Variants in GK5 observed in about 807,000 individuals in gnomAD.
GK5 encodes ATP:glycerol 3-phosphotransferase 5.
GK5 carries 39 observed loss-of-function variants against 77.3 expected under a neutral mutation model. That is an observed-to-expected ratio of 0.50 (90% CI 0.39 to 0.66). The LOEUF is 0.66. Among genes scored for constraint, GK5 ranks in the 30% least tolerant of loss-of-function variants. The pLI is 0.00. For synonymous variants in GK5, 211 were observed against 208.0 expected (o/e 1.01, Z -0.13); for missense variants, 487 against 633.8 (o/e 0.77, Z 2.49).
At chr3:142,219,036 A>T (rs952577172) in intron 1 of GK5, among the ~76,000 whole-genome samples, 3 of 152,348 alleles carry the variant, frequency 2.0e-5, no homozygotes, top group African/African-American at 7.2e-5. Flanking sequence ...AAGTCAAATC[A>T]AATAAGTTTT....
chr3:142,186,525 T>C lies in GK5; in HGVS notation c.620-12A>G, dbSNP rs1242297654. On this transcript the variant is annotated splice_polypyrimidine_tract_variant and intron_variant, in intron 6 of 15. Transcript: ENST00000392993. ...GGCATATACAGAACCTAAATTTAAA[T>C]AGGAAATAATACATTTATTATCAGA... 9 of 1,279,222 alleles carry C rather than the reference T, an allele frequency of 7.0e-6. No individual in the cohort carries two copies. The highest frequency in any genetic ancestry group is 8.8e-6 in the Non-Finnish European group (8 of 907,340). 79.2% of individuals were successfully genotyped at this position (1,279,222 alleles called of 1,614,324 possible). A position where few individuals can be genotyped will look rare whatever the true frequency, so the allele number is the denominator to read the frequency against.
At chr3:142,169,049 C>T (rs1162634403) in intron 15 of GK5, among the ~76,000 whole-genome samples, 1 of 152,216 alleles carries the variant, frequency 6.6e-6, no homozygotes, top group Non-Finnish European at 1.5e-5. Context: ...CTTTATCAGA[C>T]AAACTTAATA....
intron 1 of GK5, among the ~76,000 whole-genome samples, chr3:142,224,478 T>C (rs1379601297): frequency 6.6e-6 from 1 of 152,238 alleles, no homozygotes; most frequent in Non-Finnish European, 1.5e-5. Context: ...GCATTGACAA[T>C]TGTGTATAAA....
At chr3:142,204,600 G>T in intron 4 of GK5, 95 bp downstream of exon 4, 1 of 803,414 alleles carries the variant, frequency 1.2e-6, no homozygotes, top group Non-Finnish European at 2.3e-6. Context: ...TCTTCTTAAT[G>T]TCCTAAAACA....
At chr3:142,171,328 AG>A (rs2063534420) in intron 14 of GK5, 90 bp downstream of exon 14, 45 of 1,158,568 alleles carry the variant, frequency 3.9e-5, no homozygotes, top group Non-Finnish European at 4.8e-5. Flanking sequence ...TGAATTATTC[AG>A]GATCTAAAAA....
chr3:142,220,788 A>G (rs2064334765), intron 1 of GK5, among the ~76,000 whole-genome samples: 1 of 152,190 alleles, frequency 6.6e-6, no homozygotes, highest in South Asian at 2.1e-4. Context: ...CCCGTAAGCA[A>G]AGGGCAGAGA....
intron 1 of GK5, among the ~76,000 whole-genome samples, chr3:142,222,934 T>C (rs2064372988): frequency 6.6e-6 from 1 of 152,246 alleles, no homozygotes; most frequent in East Asian, 1.9e-4. Flanking sequence ...GCCCCGTAAC[T>C]ACACTTTAAG....
intron 5 of GK5, among the ~76,000 whole-genome samples, chr3:142,192,041 C>T (rs2063859635): frequency 6.6e-6 from 1 of 152,078 alleles, no homozygotes; most frequent in Non-Finnish European, 1.5e-5. Flanking sequence ...AAGATCTGAA[C>T]AGACACCTCA....
At chr3:142,191,747 A>G (rs577938035) in intron 5 of GK5, among the ~76,000 whole-genome samples, 1 of 152,256 alleles carries the variant, frequency 6.6e-6, no homozygotes, top group South Asian at 2.1e-4. Context: ...ACTTGAACCC[A>G]GGAAGTAGAG....
At position 142,192,575 on chromosome 3, in the gene GK5, C is replaced by T. The variant is rs1314350987; in HGVS notation, c.544-4796G>A. Among the ~76,000 whole-genome samples, 4 of 152,002 alleles carry T rather than the reference C, an allele frequency of 2.6e-5. No individual in the cohort carries two copies. The East Asian group carries it at 7.7e-4, about 29-fold the overall frequency. On this transcript the variant is annotated intron_variant, in intron 5 of 15. Coordinates refer to ENST00000392993, the MANE Select transcript of GK5 (RefSeq NM_001039547.3). ...GGTCGGGAGGTCGAGAGCAGCCTGG[C>T]CAACATGATGAAATCCCGTCTCTAC...
chr3:142,196,652 C>T (rs1240410674), intron 5 of GK5, among the ~76,000 whole-genome samples: 2 of 152,022 alleles, frequency 1.3e-5, no homozygotes, highest in Non-Finnish European at 2.9e-5. Context: ...ACTTTTAATT[C>T]GAAGCCTTTA....
At chr3:142,210,662 A>G (rs1231484228) in intron 3 of GK5, among the ~76,000 whole-genome samples, 2 of 152,254 alleles carry the variant, frequency 1.3e-5, no homozygotes, top group Non-Finnish European at 2.9e-5. Context: ...TAAAAAACTC[A>G]CAATGAATTG....
In GK5 at chr3:142,170,426, AC is replaced by A. The variant is rs1362212283; in HGVS notation, c.1339del (p.Val447SerfsTer4). 1 of 1,613,568 alleles carries A rather than the reference AC, an allele frequency of 6.2e-7. No individual in the cohort carries two copies. The highest frequency in any genetic ancestry group is 1.3e-5 in the African/African-American group (1 of 74,942). ...ADGGVCKNGF[V>X]MQMTSDLINE... is the part of the protein sequence containing the mutation. ...AATCAGGTCTGAAGTCATCTGCATG[AC>A]AAAACCATTCTTACAAACTCCTCCA... On this transcript the variant is annotated frameshift_variant, in exon 15 of 16. Transcript: ENST00000392993. LOFTEE classifies it high-confidence loss of function.
chr3:142,218,469 A>G (rs13060663), intron 1 of GK5, among the ~76,000 whole-genome samples: 95,615 of 147,852 alleles, frequency 0.65, 31,383 homozygotes, highest in Non-Finnish European at 0.67. Context: ...TTGAACCCGG[A>G]AGGCAGAGGT....
chr3:142,186,572 G>A lies in GK5; in HGVS notation c.620-59C>T, dbSNP rs191746628. 474 of 724,148 alleles carry A rather than the reference G, an allele frequency of 6.5e-4. 1 individual carries two copies. The African/African-American group carries it at 6.9e-3, about 11-fold the overall frequency. 44.9% of individuals were successfully genotyped at this position (724,148 alleles called of 1,614,324 possible). ...CAGATAGTATAAATCAACACCTATCGATAGTATATAATATAGACCTTTGTC... is the reference window on the plus strand; with the variant it reads ...CAGATAGTATAAATCAACACCTATCAATAGTATATAATATAGACCTTTGTC... On this transcript the variant is annotated intron_variant, in intron 6 of 15. Transcript: ENST00000392993.
chr3:142,177,286 C>T (rs1168233728), intron 12 of GK5, among the ~76,000 whole-genome samples, 196 bp downstream of exon 12: 1 of 152,172 alleles, frequency 6.6e-6, no homozygotes, highest in Admixed American at 6.5e-5. Flanking sequence ...CCAGCAGGGC[C>T]ACATTCAGGA....
At chr3:142,209,010 G>A (rs766919186) in intron 3 of GK5, among the ~76,000 whole-genome samples, 8 of 152,052 alleles carry the variant, frequency 5.3e-5, no homozygotes, top group Middle Eastern at 3.2e-3. Context: ...TTAGCCGAGC[G>A]CGGTGGCGGG....
intron 6 of GK5, among the ~76,000 whole-genome samples, chr3:142,186,787 C>T (rs1372554673): frequency 3.3e-5 from 5 of 152,030 alleles, no homozygotes; most frequent in Non-Finnish European, 2.9e-5. Context: ...TGTGCCACCA[C>T]ACCCAGCTAA....
chr3:142,213,660 T>A, intron 2 of GK5, 59 bp from the exon 3 acceptor site: 1 of 1,072,208 alleles, frequency 9.3e-7, no homozygotes, highest in Non-Finnish European at 1.4e-6. Flanking sequence ...TTCTTTATAA[T>A]ATTACAATAT....
Sources: allele counts gnomAD v4.1 joint callset (sites outside exome capture counted in the v4.1 genomes callset), GRCh38; gene constraint gnomAD v4.1.1; transcripts MANE v1.5; gene names NCBI Gene and HGNC (gene_info 2026-07-23, HGNC 2026-07-21).